Variants in DEPDC4 observed in about 807,000 individuals in gnomAD.
The protein encoded by DEPDC4 is DEP domain containing 4.
A neutral mutation model predicts 52.0 loss-of-function variants in DEPDC4; 52 were observed. The ratio of observed to expected loss-of-function variants is 1.00; its 90% CI spans 0.80 to 1.26. The LOEUF (loss-of-function observed/expected upper bound fraction) is 1.26, where lower values mean the gene tolerates loss of function less well. Among genes scored for constraint, DEPDC4 ranks in the 50% most tolerant of loss-of-function variants. DEPDC4 has a pLI of 0.00. For missense variants in DEPDC4, 530 were observed against 546.9 expected (o/e 0.97, Z 0.31); for synonymous variants, 201 against 196.8 (o/e 1.02, Z -0.18).
intron 1 of DEPDC4, among the ~76,000 whole-genome samples, chr12:100,264,832 G>C (rs919502732): frequency 6.6e-6 from 1 of 152,080 alleles, no homozygotes; most frequent in East Asian, 1.9e-4. Context: ...TGTTGCTCCC[G>C]ATTAAGGGGT....
At chr12:100,231,667 T>A (rs1001334627) in intron 9 of DEPDC4, among the ~76,000 whole-genome samples, 34 of 152,230 alleles carry the variant, frequency 2.2e-4, no homozygotes, top group African/African-American at 8.0e-4. Context: ...TTATTAACTT[T>A]TTGTTGCTAA....
intron 8 of DEPDC4, among the ~76,000 whole-genome samples, chr12:100,244,093 G>GTATATATACATATA (rs775573664): frequency 1.1e-5 from 1 of 89,302 alleles, no homozygotes; most frequent in Non-Finnish European, 2.2e-5. Context: ...CTCTCTCTCT[G>GTATATATACATATA]TGTATATATA....
At chr12:100,272,211 T>C in the DEPDC4 span, among the ~76,000 whole-genome samples, 1 of 152,212 alleles carries the variant, frequency 6.6e-6, no homozygotes, top group Non-Finnish European at 1.5e-5. Context: ...CAATGAGAAA[T>C]GCCTTACATG....
chr12:100,267,425 A>C, upstream of DEPDC4: 4 of 185,022 alleles, frequency 2.2e-5, no homozygotes, highest in Non-Finnish European at 3.4e-5. Flanking sequence ...GCACCGACCG[A>C]CCTCCCTCAC....
At chr12:100,276,695 C>CT in the DEPDC4 span, among the ~76,000 whole-genome samples, 357 of 151,402 alleles carry the variant, frequency 2.4e-3, 2 homozygotes, top group Non-Finnish European at 4.0e-3. Context: ...CTTTTCAAAA[C>CT]TTTTTTTTTA....
Position 100,267,037 on chromosome 12 carries a change from C to G in DEPDC4, c.40G>C (p.Val14Leu). The G allele has an allele frequency of 1.2e-6, 2 of 1,614,032 alleles. No individual in the cohort carries two copies. Among genetic ancestry groups the G allele is most frequent in the Non-Finnish European group, 1.7e-6 (2 of 1,179,946 alleles). ...CTACGGAACCTCGGAGTCAAAAGAA[C>G]CGCCATAAGCTCGCGCGCTGGCTCC... ...GEEPARELMA[V>L]LLTPRFRRLV... The change falls in exon 1 of 10, where the codon GTT becomes CTT. Residue 14 changes from valine to leucine, a missense_variant. Coordinates refer to ENST00000550587, the MANE Select transcript of DEPDC4 (RefSeq NM_001364818.2).
chr12:100,260,369 C>T (rs1287694454), intron 3 of DEPDC4, among the ~76,000 whole-genome samples: 1 of 151,614 alleles, frequency 6.6e-6, no homozygotes, highest in Non-Finnish European at 1.5e-5. Context: ...GATCCACCCA[C>T]CTTGGCCTCC....
At chr12:100,243,431 A>G (rs1246255584) in intron 8 of DEPDC4, among the ~76,000 whole-genome samples, 1 of 152,128 alleles carries the variant, frequency 6.6e-6, no homozygotes, top group Admixed American at 6.6e-5. Flanking sequence ...CCCTCAGACA[A>G]TATGGTCTCC....
downstream of DEPDC4, among the ~76,000 whole-genome samples, chr12:100,239,615 T>C (rs2096150845): frequency 6.6e-6 from 1 of 151,478 alleles, no homozygotes; most frequent in South Asian, 2.1e-4. Flanking sequence ...GAACTCCCAG[T>C]CTCAAGCAAT....
At position 100,262,416 on chromosome 12, in the gene DEPDC4, A is replaced by G. The variant is rs1445120697; in HGVS notation, c.555-7T>C. 6.3e-7 allele frequency: 1 copy of G among 1,589,348 alleles called. No individual in the cohort carries two copies. Among genetic ancestry groups the G allele is most frequent in the Non-Finnish European group, 8.5e-7 (1 of 1,174,016 alleles). Reference sequence around the variant, plus strand: ...AATCATTTCATATCCTGGTCTGTTAAAAAATAATACGTGGCTCTTTTCATT... The same window carrying G: ...AATCATTTCATATCCTGGTCTGTTAGAAAATAATACGTGGCTCTTTTCATT... On this transcript the variant is annotated splice_region_variant and splice_polypyrimidine_tract_variant and intron_variant, in intron 2 of 9. Coordinates refer to ENST00000550587, the MANE Select transcript of DEPDC4 (RefSeq NM_001364818.2).
At chr12:100,252,052 G>T in intron 7 of DEPDC4, 124 bp downstream of exon 7, 1 of 881,404 alleles carries the variant, frequency 1.1e-6, no homozygotes. Flanking sequence ...TGGGGAGTCA[G>T]CATTTCTTCA....
the DEPDC4 span, among the ~76,000 whole-genome samples, chr12:100,273,775 C>T: frequency 6.6e-6 from 1 of 152,154 alleles, no homozygotes; most frequent in African/African-American, 2.4e-5. Flanking sequence ...TTAATATTTC[C>T]ATAGCATGTA....
intron 8 of DEPDC4, among the ~76,000 whole-genome samples, chr12:100,248,385 C>T (rs2096194613): frequency 6.6e-6 from 1 of 152,008 alleles, no homozygotes; most frequent in Non-Finnish European, 1.5e-5. Context: ...TCTTAGTAAA[C>T]TTGGATTAAA....
At chr12:100,275,157 T>A in the DEPDC4 span, among the ~76,000 whole-genome samples, 1 of 152,194 alleles carries the variant, frequency 6.6e-6, no homozygotes. Context: ...ACAGTATTTT[T>A]AAATTTTAAA....
intron 1 of DEPDC4, among the ~76,000 whole-genome samples, chr12:100,265,262 C>G (rs1193522421): frequency 6.6e-6 from 1 of 151,196 alleles, no homozygotes; most frequent in Non-Finnish European, 1.5e-5. Flanking sequence ...CCACTGCACT[C>G]CAGTCAGGGC....
intron 9 of DEPDC4, among the ~76,000 whole-genome samples, chr12:100,231,817 C>T (rs907643835): frequency 6.6e-6 from 1 of 151,862 alleles, no homozygotes; most frequent in African/African-American, 2.4e-5. Context: ...TGGTGGGTCA[C>T]GCTTGTAGTA....
chr12:100,276,436 A>G, the DEPDC4 span, among the ~76,000 whole-genome samples: 2 of 152,096 alleles, frequency 1.3e-5, no homozygotes, highest in Non-Finnish European at 2.9e-5. Flanking sequence ...AGGCTTAAGC[A>G]ATACTTCCAC....
chr12:100,266,956 T>C lies in DEPDC4; in HGVS notation c.121A>G (p.Asn41Asp), dbSNP rs766311814. 1 of 1,613,842 alleles carries C rather than the reference T, an allele frequency of 6.2e-7. No homozygotes were observed. The highest frequency in any genetic ancestry group is 8.5e-7 in the Non-Finnish European group (1 of 1,179,874). ...TTCCGGCAGAAGCCATCTCTACGGT[T>C]CCTGGAACTTGGCCCGTTCAGCCCT... The part of the protein sequence containing the change: ...GPGLNGPSSR[N>D]RRDGFCRKRR... Residue 41 changes from asparagine to aspartate, a missense_variant, in exon 1 of 10, where the codon AAC (asparagine) becomes GAC (aspartate). Physicochemically the swap from Asn to Asp is conservative, Grantham distance 23. Transcript: ENST00000550587.
the DEPDC4 span, among the ~76,000 whole-genome samples, chr12:100,272,873 G>T: frequency 6.6e-6 from 1 of 152,052 alleles, no homozygotes; most frequent in South Asian, 2.1e-4. Flanking sequence ...AGTATATAAC[G>T]TAGTTTAACA....
Sources: gnomAD v4.1 joint callset for allele counts (sites outside exome capture counted in the v4.1 genomes callset) on GRCh38, gnomAD v4.1.1 for gene constraint, MANE v1.5 for transcripts, NCBI Gene and HGNC (gene_info 2026-07-23, HGNC 2026-07-21) for gene names.